The following GADD45GIP1 variants were observed in gnomAD, a reference collection of about 807,000 sequenced individuals.
GADD45GIP1 encodes the protein GADD45G interacting protein 1.
In GADD45GIP1, 17 loss-of-function variants were observed where a neutral mutation model predicts 22.1. The observed-to-expected ratio is 0.77, with a 90% confidence interval of 0.53 to 1.15. The LOEUF (loss-of-function observed/expected upper bound fraction) is 1.15, where lower values mean the gene tolerates loss of function less well. GADD45GIP1 is among the 50% of genes most tolerant of loss of function. The pLI, the probability that GADD45GIP1 is intolerant of heterozygous loss-of-function variation, is 0.00. For missense variants in GADD45GIP1, 294 were observed against 314.0 expected (o/e 0.94, Z 0.48); for synonymous variants, 135 against 138.4 (o/e 0.98, Z 0.17).
chr19:12,954,594 T>G (rs910813360), intron 1 of GADD45GIP1, 68 bp from the exon 2 acceptor site: 1 of 1,372,778 alleles, frequency 7.3e-7, no homozygotes, highest in African/African-American at 1.4e-5. Context: ...CACCCATATC[T>G]CACCCATAGG....
Position 12,954,033 on chromosome 19 carries a change from T to C in GADD45GIP1, c.*175A>G, listed in dbSNP as rs1971889555. On this transcript the variant is annotated 3_prime_UTR_variant, in exon 2 of 2. Transcript: ENST00000316939. ...CTTTTCCTCCCACTGAAGCCCCAGT[T>C]AGTCAGCAGGGCCTAGAGTCCCTGT... 1 of 614,228 alleles carries C rather than the reference T, an allele frequency of 1.6e-6. No homozygotes were observed. The highest frequency in any genetic ancestry group is 2.9e-6 in the Non-Finnish European group (1 of 346,780). The allele number at this position is 614,228 out of a possible 1,614,324, so 38.0% of individuals were successfully genotyped here.
chr19:12,956,752 TCTACAACATGCAGATG>T, intron 1 of GADD45GIP1, 95 bp downstream of exon 1: 1 of 886,448 alleles, frequency 1.1e-6, no homozygotes. Flanking sequence ...TATACATAAA[TCTACAACATGCAGATG>T]CTGCGACGTG....
rs779150285 is a variant in GADD45GIP1 at position 12,954,558 on chromosome 19, G to A, written c.351-32C>T. On this transcript the variant is annotated intron_variant, in intron 1 of 1. Transcript: ENST00000316939. ...GGGAGGGAGAGTGGGCTGTGACACT[G>A]GCACTCAGCCAGGGCAGAGCCCACC... 5 of 1,575,220 alleles carry A rather than the reference G, an allele frequency of 3.2e-6. No homozygotes were observed. In the African/African-American group the frequency reaches 6.8e-5, roughly 21 times the overall value.
In GADD45GIP1 at chr19:12,953,127, TATTC is replaced by T; in HGVS notation, c.*1077_*1080del. The T allele has an allele frequency of 1.2e-6, 1 of 866,978 alleles. No homozygotes were observed. The highest frequency in any genetic ancestry group is 2.0e-5 in the South Asian group (1 of 50,390). The allele number at this position is 866,978 out of a possible 1,614,324, so 53.7% of individuals were successfully genotyped here. ...TTTTATAAAAGAAAAAATATATATA[TATTC>T]ATGTTTATTTAAGAAATGGAAAAAA... On this transcript the variant is annotated 3_prime_UTR_variant, in exon 2 of 2. Transcript: ENST00000316939.
rs1333147815 is a variant in GADD45GIP1, at chr19:12,953,994, C to T, written c.*214G>A. 7 of 546,380 alleles carry T rather than the reference C, an allele frequency of 1.3e-5. No homozygotes were observed. The highest frequency in any genetic ancestry group is 1.9e-5 in the Non-Finnish European group (6 of 308,924). The allele number at this position is 546,380 out of a possible 1,614,324, so 33.8% of individuals were successfully genotyped here. ...GCCATCTGCTTCTCCATTATTTGCC[C>T]ATTGTACACCCCCCTTTTCCTCCCA... On this transcript the variant is annotated 3_prime_UTR_variant, in exon 2 of 2. Coordinates refer to ENST00000316939, the MANE Select transcript of GADD45GIP1 (RefSeq NM_052850.4).
At position 12,957,125 on chromosome 19, in the gene GADD45GIP1, G is replaced by A. The variant is rs776379682; in HGVS notation, c.88C>T (p.Pro30Ser). ...CGGGGTCCCGGCCTGCGGCGCGGGG[G>A]CGGCCGCGCCCGGTAGCCACGGGAA... ...PGSRGYRARPPPRRRPGPRWP... is the reference protein window; with the variant it reads ...PGSRGYRARPSPRRRPGPRWP... Residue 30 changes from proline (P) to serine (S), a missense_variant, in exon 1 of 2, where the codon CCC becomes TCC. By Grantham distance (74) the Pro-to-Ser change is moderately conservative (BLOSUM62 -1). Transcript: ENST00000316939. 2.8e-6 allele frequency: 4 copies of A among 1,417,482 alleles called. No individual in the cohort carries two copies. The highest frequency in any genetic ancestry group is 3.6e-6 in the Non-Finnish European group (4 of 1,098,870). 87.8% of individuals were successfully genotyped at this position (1,417,482 alleles called of 1,614,324 possible).
chr19:12,954,463 C>G lies in GADD45GIP1; in HGVS notation c.414G>C (p.Gln138His). The G allele has an allele frequency of 6.2e-7, 1 of 1,614,202 alleles. No individual in the cohort carries two copies. The highest frequency in any genetic ancestry group is 1.1e-5 in the South Asian group (1 of 91,092). The change falls in exon 2 of 2, where the codon CAG becomes CAC. Residue 138 changes from glutamine (Q) to histidine (H), a missense_variant. Gln to His is a conservative substitution (Grantham distance 24). Coordinates refer to ENST00000316939, the MANE Select transcript of GADD45GIP1 (RefSeq NM_052850.4). Reference protein sequence around the residue: ...MPQMIVNWQQQQRENWEKAQA... With the variant: ...MPQMIVNWQQHQRENWEKAQA... ...GGGCCTTCTCCCAGTTCTCCCGCTG[C>G]TGCTGCTGCCAGTTCACAATCATCT...
intron 1 of GADD45GIP1, among the ~76,000 whole-genome samples, chr19:12,954,755 G>C (rs1322133745): frequency 2.6e-5 from 4 of 152,196 alleles, no homozygotes; most frequent in African/African-American, 9.7e-5. Context: ...GTAAACCCCA[G>C]GTGCCAAAGC....
In GADD45GIP1 at chr19:12,956,864, T is replaced by C; in HGVS notation, c.349A>G (p.Arg117Gly). Residue 117 changes from arginine (R) to glycine (G), a missense_variant and splice_region_variant, in exon 1 of 2, where the codon AGG (arginine) becomes GGG (glycine). Arg to Gly is a moderately radical substitution (Grantham distance 125). Transcript: ENST00000316939. Reference sequence around the variant, plus strand: ...CCGCGTCTGCCTGCACGCACGCACCTCTCCCGACGCTTCTGCTCTTCGGCC... The same window carrying C: ...CCGCGTCTGCCTGCACGCACGCACCCCTCCCGACGCTTCTGCTCTTCGGCC... ...QLAEEQKRRE[R>G]EQHIAECMAK... 3.1e-6 allele frequency: 5 copies of C among 1,597,068 alleles called. No homozygotes were observed. The highest frequency in any genetic ancestry group is 4.2e-6 in the Non-Finnish European group (5 of 1,178,912).
intron 1 of GADD45GIP1, among the ~76,000 whole-genome samples, chr19:12,956,236 G>A (rs530547190): frequency 6.6e-6 from 1 of 152,310 alleles, no homozygotes; most frequent in African/African-American, 2.4e-5. Flanking sequence ...GTCAGCTGTC[G>A]CCATCTGATA....
Position 12,954,375 on chromosome 19 carries a change from C to T in GADD45GIP1, c.502G>A (p.Val168Met). ...AEAQELLGYQ[V>M]DPRSARFQEL... The stretch of plus-strand genomic sequence containing the variant: ...TGGAAGCGGGCACTCCTTGGGTCCA[C>T]CTGGTAGCCCAGGAGCTCCTGGGCC... The change falls in exon 2 of 2, where the codon GTG becomes ATG. Residue 168 changes from valine (V) to methionine (M), a missense_variant. Transcript: ENST00000316939. 6.2e-7 allele frequency: 1 copy of T among 1,614,190 alleles called. No individual in the cohort carries two copies. Among genetic ancestry groups the T allele is most frequent in the Non-Finnish European group, 8.5e-7 (1 of 1,180,020 alleles).
chr19:12,954,034 A>C lies in GADD45GIP1; in HGVS notation c.*174T>G. ...TTTTCCTCCCACTGAAGCCCCAGTTAGTCAGCAGGGCCTAGAGTCCCTGTC... is the reference window on the plus strand; with the variant it reads ...TTTTCCTCCCACTGAAGCCCCAGTTCGTCAGCAGGGCCTAGAGTCCCTGTC... On this transcript the variant is annotated 3_prime_UTR_variant, in exon 2 of 2. Coordinates refer to ENST00000316939, the MANE Select transcript of GADD45GIP1 (RefSeq NM_052850.4). 1 of 614,510 alleles carries C rather than the reference A, an allele frequency of 1.6e-6. No homozygotes were observed. Among genetic ancestry groups the C allele is most frequent in the Non-Finnish European group, 2.9e-6 (1 of 346,660 alleles). The allele number at this position is 614,510 out of a possible 1,614,324, so 38.1% of individuals were successfully genotyped here.
At chr19:12,955,652 G>A (rs780423296) in intron 1 of GADD45GIP1, among the ~76,000 whole-genome samples, 4 of 151,996 alleles carry the variant, frequency 2.6e-5, no homozygotes, top group Non-Finnish European at 5.9e-5. Flanking sequence ...CTGAGGTCAG[G>A]AGTTTGAGAC....
rs144538322 is a variant in GADD45GIP1 at position 12,954,139 on chromosome 19, C to T, written c.*69G>A. On this transcript the variant is annotated 3_prime_UTR_variant, in exon 2 of 2. Coordinates refer to ENST00000316939, the MANE Select transcript of GADD45GIP1 (RefSeq NM_052850.4). ...GAACCAGGGGACCCAGAGAGGCACA[C>T]CTTGAGAGGACGCAGATCTCTTCAG... 27 of 1,368,602 alleles carry T rather than the reference C, an allele frequency of 2.0e-5. No individual in the cohort carries two copies. The East Asian group carries it at 4.4e-4, about 22-fold the overall frequency. 84.8% of individuals were successfully genotyped at this position (1,368,602 alleles called of 1,614,324 possible). A position where few individuals can be genotyped will look rare whatever the true frequency, so the allele number is the denominator to read the frequency against.
intron 1 of GADD45GIP1, among the ~76,000 whole-genome samples, chr19:12,956,598 G>T (rs899539967): frequency 6.6e-6 from 1 of 152,182 alleles, no homozygotes; most frequent in Non-Finnish European, 1.5e-5. Context: ...AGGTTGCAGT[G>T]AGCCAAGATC....
At position 12,957,129 on chromosome 19, in the gene GADD45GIP1, C is replaced by T. The variant is rs1971935251; in HGVS notation, c.84G>A (p.Arg28=). 4.2e-6 allele frequency: 6 copies of T among 1,413,924 alleles called. No homozygotes were observed. In the South Asian group the frequency reaches 7.7e-5, roughly 18 times the overall value. 87.6% of individuals were successfully genotyped at this position (1,413,924 alleles called of 1,614,324 possible). The change falls in exon 1 of 2, where the codon CGG becomes CGA. Residue 28 remains arginine (R), a synonymous_variant. Coordinates refer to ENST00000316939, the MANE Select transcript of GADD45GIP1 (RefSeq NM_052850.4). ...LAPGSRGYRA[R]PPPRRRPGPR... ...GTCCCGGCCTGCGGCGCGGGGGCGG[C>T]CGCGCCCGGTAGCCACGGGAACCCG...
Position 12,954,346 on chromosome 19 carries a change from C to A in GADD45GIP1, c.531G>T (p.Glu177Asp). The A allele has an allele frequency of 6.2e-7, 1 of 1,614,144 alleles. No individual in the cohort carries two copies. Among genetic ancestry groups the A allele is most frequent in the South Asian group, 1.1e-5 (1 of 91,084 alleles). ...QVDPRSARFQELLQDLEKKER... is the reference protein window; with the variant it reads ...QVDPRSARFQDLLQDLEKKER... ...CCTTCTTCTCTAGGTCCTGGAGCAG[C>A]TCCTGGAAGCGGGCACTCCTTGGGT... Residue 177 changes from glutamate to aspartate, a missense_variant, in exon 2 of 2, where the codon GAG becomes GAT. By Grantham distance (45) the Glu-to-Asp change is conservative (BLOSUM62 2). Coordinates refer to ENST00000316939, the MANE Select transcript of GADD45GIP1 (RefSeq NM_052850.4).
chr19:12,954,046 C>G lies in GADD45GIP1; in HGVS notation c.*162G>C. 1 of 669,438 alleles carries G rather than the reference C, an allele frequency of 1.5e-6. No individual in the cohort carries two copies. Among genetic ancestry groups the G allele is most frequent in the Non-Finnish European group, 2.6e-6 (1 of 382,960 alleles). 41.5% of individuals were successfully genotyped at this position (669,438 alleles called of 1,614,324 possible). A position where few individuals can be genotyped will look rare whatever the true frequency, so the allele number is the denominator to read the frequency against. On this transcript the variant is annotated 3_prime_UTR_variant, in exon 2 of 2. Coordinates refer to ENST00000316939, the MANE Select transcript of GADD45GIP1 (RefSeq NM_052850.4). ...TGAAGCCCCAGTTAGTCAGCAGGGC[C>G]TAGAGTCCCTGTCCCCTTTTGAGTA...
chr19:12,956,967 C>A lies in GADD45GIP1; in HGVS notation c.246G>T (p.Leu82=). ...PGSLWPSPEQ[L]RELEAEEREW... ...CGCGTTCTTCGGCCTCCAGCTCCCG[C>A]AGCTGCTCCGGCGACGGCCATAACG... is the stretch of plus-strand genomic sequence containing the variant. The change falls in exon 1 of 2, where the codon CTG becomes CTT. Residue 82 remains leucine, a synonymous_variant. Transcript: ENST00000316939. The A allele has an allele frequency of 6.3e-7, 1 of 1,599,188 alleles. No individual in the cohort carries two copies. Among genetic ancestry groups the A allele is most frequent in the Non-Finnish European group, 8.5e-7 (1 of 1,179,704 alleles).
Sources: gnomAD v4.1 joint callset for allele counts (sites outside exome capture counted in the v4.1 genomes callset) on GRCh38, gnomAD v4.1.1 for gene constraint, MANE v1.5 for transcripts, NCBI Gene and HGNC (gene_info 2026-07-23, HGNC 2026-07-21) for gene names.